LAMA2: variants seen among roughly 807,000 people sequenced by gnomAD.
LAMA2 encodes laminin subunit alpha 2, also known as laminin subunit alpha-2.
In LAMA2, 269 loss-of-function variants were observed where a neutral mutation model predicts 364.8. That is an observed-to-expected ratio of 0.74 (90% CI 0.67 to 0.82). The LOEUF (loss-of-function observed/expected upper bound fraction) is 0.82, where lower values mean the gene tolerates loss of function less well. Ranked by LOEUF, LAMA2 falls within the 40% of genes least tolerant of loss-of-function variation. LAMA2 has a pLI of 0.00. For missense variants in LAMA2, 3,807 were observed against 3,873.2 expected, an observed-to-expected ratio of 0.98 and a Z score of 0.45; for synonymous variants, 1,379 against 1,370.6, an observed-to-expected ratio of 1.01 and a Z score of -0.14.
Position 128,948,729 on chromosome 6 carries a change from A to T in LAMA2, c.112+65372A>T, listed in dbSNP as rs182629738. Among the ~76,000 whole-genome samples, 3 of 152,222 alleles carry T rather than the reference A, an allele frequency of 2.0e-5. No homozygotes were observed. The East Asian group carries it at 5.8e-4, about 29-fold the overall frequency. On this transcript the variant is annotated intron_variant, in intron 1 of 64. Transcript: ENST00000421865. ...CTTGGTGATAAGTGAGTTCTCCCTT[A>T]GTTCCCATGAGATCTGGTTGTTTAA...
intron 8 of LAMA2, among the ~76,000 whole-genome samples, chr6:129,156,450 T>C (rs1227798841): frequency 1.3e-5 from 2 of 152,028 alleles, no homozygotes; most frequent in Non-Finnish European, 2.9e-5. Context: ...TTTTAAATAA[T>C]TTTCCAATTA....
intron 2 of LAMA2, among the ~76,000 whole-genome samples, chr6:129,054,982 G>T (rs1394533773): frequency 6.7e-6 from 1 of 150,294 alleles, no homozygotes; most frequent in African/African-American, 2.4e-5. Context: ...TCTACATTCA[G>T]AGTATCTTTT....
At chr6:128,943,122 T>C (rs1186508434) in intron 1 of LAMA2, among the ~76,000 whole-genome samples, 1 of 152,200 alleles carries the variant, frequency 6.6e-6, no homozygotes, top group Admixed American at 6.5e-5. Flanking sequence ...AACTTCTACT[T>C]TTTGGAATTA....
chr6:129,476,446 G>T (rs1784070950), intron 53 of LAMA2, among the ~76,000 whole-genome samples: 2 of 152,264 alleles, frequency 1.3e-5, no homozygotes, highest in African/African-American at 4.8e-5. Context: ...CACTGTGTAG[G>T]TTTGTAATTT....
At chr6:129,470,646 T>C (rs1783765442) in intron 51 of LAMA2, among the ~76,000 whole-genome samples, 1 of 151,806 alleles carries the variant, frequency 6.6e-6, no homozygotes. Flanking sequence ...TGCACAAACA[T>C]GAATTCAGAT....
chr6:129,234,765 G>A (rs550921727), intron 12 of LAMA2, among the ~76,000 whole-genome samples: 1 of 152,110 alleles, frequency 6.6e-6, no homozygotes, highest in Admixed American at 6.6e-5. Context: ...CACGTACGGT[G>A]TTTCAAGTAT....
At chr6:129,184,058 A>ATT (rs1428593638) in intron 10 of LAMA2, among the ~76,000 whole-genome samples, 5 of 151,954 alleles carry the variant, frequency 3.3e-5, no homozygotes, top group African/African-American at 7.2e-5. Context: ...AGTATAAAGT[A>ATT]TAACCATAAA....
chr6:129,392,902 C>G, intron 36 of LAMA2, 143 bp from the exon 37 acceptor site: 1 of 640,292 alleles, frequency 1.6e-6, no homozygotes, highest in Non-Finnish European at 2.6e-6. Flanking sequence ...CTTGATTTAG[C>G]ACACAGTGAA....
chr6:129,220,740 G>C (rs867226944), intron 12 of LAMA2, among the ~76,000 whole-genome samples: 1 of 152,124 alleles, frequency 6.6e-6, no homozygotes, highest in African/African-American at 2.4e-5. Context: ...ATTTGTGAGA[G>C]AATTGAAAAA....
At chr6:129,385,464 T>C (rs1264553125) in intron 35 of LAMA2, among the ~76,000 whole-genome samples, 1 of 152,094 alleles carries the variant, frequency 6.6e-6, no homozygotes, top group Non-Finnish European at 1.5e-5. Context: ...TCAGTACTTT[T>C]ACATTTTTGT....
intron 1 of LAMA2, among the ~76,000 whole-genome samples, chr6:129,013,481 C>T (rs1024929622): frequency 6.6e-6 from 1 of 151,796 alleles, no homozygotes; most frequent in Non-Finnish European, 1.5e-5. Flanking sequence ...AATGTGATAG[C>T]AAATGGCTAG....
rs574958083 is a variant in LAMA2, at chr6:129,164,871, T to C, written c.1207-705T>C. Among the ~76,000 whole-genome samples the C allele has an allele frequency of 2.6e-5, 4 of 152,324 alleles. No individual in the cohort carries two copies. In the East Asian group the frequency reaches 7.7e-4, roughly 29 times the overall value. On this transcript the variant is annotated intron_variant, in intron 8 of 64. Coordinates refer to ENST00000421865, the MANE Select transcript of LAMA2 (RefSeq NM_000426.4). ...ATCTCTATGATGTTCATAAAATTAT[T>C]GTCTTAAAATTTGATTTTAGATTTT...
intron 9 of LAMA2, among the ~76,000 whole-genome samples, chr6:129,174,204 T>C (rs542536680): frequency 4.6e-5 from 7 of 152,238 alleles, no homozygotes; most frequent in Non-Finnish European, 7.4e-5. Flanking sequence ...GTATTTGTTT[T>C]CTTCATTTGT....
At chr6:129,490,034 C>T (rs1784783783) in intron 56 of LAMA2, among the ~76,000 whole-genome samples, 1 of 152,208 alleles carries the variant, frequency 6.6e-6, no homozygotes, top group South Asian at 2.1e-4. Context: ...TAAATAAATA[C>T]TTTTTAAAAA....
chr6:128,948,827 C>A (rs1199648917), intron 1 of LAMA2, among the ~76,000 whole-genome samples: 1 of 152,142 alleles, frequency 6.6e-6, no homozygotes, highest in African/African-American at 2.4e-5. Context: ...CCAGCTTTAT[C>A]TTCTGCCATG....
chr6:129,032,777 C>T (rs1786329040), intron 1 of LAMA2, among the ~76,000 whole-genome samples: 1 of 152,106 alleles, frequency 6.6e-6, no homozygotes, highest in African/African-American at 2.4e-5. Flanking sequence ...TGGAGAGAAG[C>T]AGATGGATCT....
intron 37 of LAMA2, among the ~76,000 whole-genome samples, chr6:129,398,286 A>G (rs1779769916): frequency 6.6e-6 from 1 of 152,150 alleles, no homozygotes. Flanking sequence ...AAGATAAGAT[A>G]TGACTTGTAA....
intron 45 of LAMA2, among the ~76,000 whole-genome samples, chr6:129,446,756 T>G (rs1332983480): frequency 6.6e-6 from 1 of 152,162 alleles, no homozygotes; most frequent in Non-Finnish European, 1.5e-5. Flanking sequence ...TTTAGTAGTA[T>G]TTAAGAATAC....
chr6:129,151,742 C>G (rs1454727907), intron 7 of LAMA2, among the ~76,000 whole-genome samples: 2 of 152,104 alleles, frequency 1.3e-5, no homozygotes, highest in East Asian at 3.9e-4. Flanking sequence ...CTTGTACGAA[C>G]TCACTCACTA....
Sources: gnomAD v4.1 joint callset for allele counts (sites outside exome capture counted in the v4.1 genomes callset) on GRCh38, gnomAD v4.1.1 for gene constraint, MANE v1.5 for transcripts, NCBI Gene and HGNC (gene_info 2026-07-23, HGNC 2026-07-21) for gene names.